RGS6: variants seen among roughly 807,000 people sequenced by gnomAD.
RGS6 encodes the protein regulator of G-protein signaling 6.
RGS6 carries 30 observed loss-of-function variants against 78.5 expected under a neutral mutation model. The ratio of observed to expected loss-of-function variants is 0.38; its 90% CI spans 0.29 to 0.52. The LOEUF is 0.52. Among genes scored for constraint, RGS6 ranks in the 20% least tolerant of loss-of-function variants. The pLI, the probability that RGS6 is intolerant of heterozygous loss-of-function variation, is 0.85. For synonymous variants in RGS6, 206 were observed against 206.0 expected, an observed-to-expected ratio of 1.00 and a Z score of 0.00; for missense variants, 495 against 609.7, an observed-to-expected ratio of 0.81 and a Z score of 1.98.
the RGS6 span, among the ~76,000 whole-genome samples, chr14:72,586,613 A>C: frequency 6.6e-6 from 1 of 152,164 alleles, no homozygotes; most frequent in African/African-American, 2.4e-5. Context: ...CTTTGGTCAG[A>C]AAGGCCTCTT....
At chr14:72,483,916 C>A (rs1348259706) in intron 12 of RGS6, among the ~76,000 whole-genome samples, 1 of 151,676 alleles carries the variant, frequency 6.6e-6, no homozygotes, top group Non-Finnish European at 1.5e-5. Flanking sequence ...GGGTGACTTG[C>A]AATTAAGGAG....
At chr14:72,424,347 A>T (rs1460908333) in intron 3 of RGS6, among the ~76,000 whole-genome samples, 1 of 152,224 alleles carries the variant, frequency 6.6e-6, no homozygotes, top group Non-Finnish European at 1.5e-5. Context: ...GCAGGATTCA[A>T]AGAAGTAAAG....
At chr14:71,868,127 T>A in the RGS6 span, among the ~76,000 whole-genome samples, 2 of 152,114 alleles carry the variant, frequency 1.3e-5, no homozygotes, top group Non-Finnish European at 2.9e-5. Flanking sequence ...CACCCCAACA[T>A]CAGCAGGAAT....
chr14:72,333,316 G>C (rs2075412397), intron 2 of RGS6, among the ~76,000 whole-genome samples: 1 of 152,196 alleles, frequency 6.6e-6, no homozygotes, highest in Non-Finnish European at 1.5e-5. Context: ...ACTCTGAACA[G>C]GCAGTTGGGA....
At chr14:72,273,470 C>T (rs1595122332) in intron 2 of RGS6, among the ~76,000 whole-genome samples, 1 of 152,132 alleles carries the variant, frequency 6.6e-6, no homozygotes, top group Non-Finnish European at 1.5e-5. Context: ...TAAGTGTGGA[C>T]AGCAGGGGCA....
At chr14:71,974,990 T>G (rs78657384) in intron 2 of RGS6, among the ~76,000 whole-genome samples, 8,933 of 151,802 alleles carry the variant, frequency 0.059, 839 homozygotes, top group African/African-American at 0.2. Flanking sequence ...AAGAAAGAAA[T>G]AAAATAAAAA....
At chr14:72,298,453 TTTC>T (rs1263844022) in intron 2 of RGS6, among the ~76,000 whole-genome samples, 171 of 69,506 alleles carry the variant, frequency 2.5e-3, no homozygotes, top group African/African-American at 0.02. Context: ...TTTTTTTTTT[TTTC>T]CCCCCCTCTG....
At chr14:72,483,975 A>T (rs564449528) in intron 12 of RGS6, among the ~76,000 whole-genome samples, 1 of 151,886 alleles carries the variant, frequency 6.6e-6, no homozygotes, top group Admixed American at 6.6e-5. Flanking sequence ...AGTGAAAAAA[A>T]AAAAGCTAGA....
At chr14:72,444,111 C>T (rs2095294489) in intron 3 of RGS6, among the ~76,000 whole-genome samples, 1 of 152,136 alleles carries the variant, frequency 6.6e-6, no homozygotes, top group South Asian at 2.1e-4. Flanking sequence ...ATCATGTACT[C>T]GGCTGCTGAC....
chr14:72,222,913 A>C (rs2047209689), intron 2 of RGS6, among the ~76,000 whole-genome samples: 1 of 152,176 alleles, frequency 6.6e-6, no homozygotes, highest in South Asian at 2.1e-4. Flanking sequence ...ATAGTTAAAT[A>C]TTTCCTGAGC....
chr14:72,608,575 A>T, the RGS6 span, among the ~76,000 whole-genome samples: 1 of 152,106 alleles, frequency 6.6e-6, no homozygotes, highest in Non-Finnish European at 1.5e-5. Context: ...TCTCTGATTC[A>T]TCAACCTCCC....
chr14:72,344,302 A>G (rs1218363476), intron 2 of RGS6, among the ~76,000 whole-genome samples: 1 of 152,210 alleles, frequency 6.6e-6, no homozygotes, highest in Non-Finnish European at 1.5e-5. Context: ...ATGCTGTGTC[A>G]TCCGTCTGCC....
At position 72,389,245 on chromosome 14, in the gene RGS6, T is replaced by C. The variant is rs566943010; in HGVS notation, c.184+37051T>C. ...CCCGGATGTTCCATCAACTGTGTGG[T>C]CCCATACCAACCCCTCAGGGGTGTC... On this transcript the variant is annotated intron_variant, in intron 3 of 17. Coordinates refer to ENST00000553525, the MANE Select transcript of RGS6 (RefSeq NM_001204424.2). Among the ~76,000 whole-genome samples the C allele has an allele frequency of 2.0e-5, 3 of 152,204 alleles. No individual in the cohort carries two copies. The East Asian group carries it at 5.8e-4, about 29-fold the overall frequency.
chr14:72,319,563 G>A (rs1304472014), intron 2 of RGS6, among the ~76,000 whole-genome samples: 1 of 151,710 alleles, frequency 6.6e-6, no homozygotes, highest in Non-Finnish European at 1.5e-5. Flanking sequence ...CTATGGTCTC[G>A]ATCTCCTGAC....
chr14:72,586,852 T>C, the RGS6 span, among the ~76,000 whole-genome samples: 1 of 152,172 alleles, frequency 6.6e-6, no homozygotes, highest in Admixed American at 6.5e-5. Flanking sequence ...TGGTGCATAA[T>C]AGCTGCTCAG....
intron 2 of RGS6, among the ~76,000 whole-genome samples, chr14:72,172,789 T>C (rs1246779322): frequency 6.6e-6 from 1 of 152,182 alleles, no homozygotes; most frequent in African/African-American, 2.4e-5. Context: ...CCTGAGGACT[T>C]GAATGTCTAG....
chr14:72,158,726 T>C (rs1469818291), intron 2 of RGS6, among the ~76,000 whole-genome samples: 2 of 152,212 alleles, frequency 1.3e-5, no homozygotes, highest in African/African-American at 4.8e-5. Context: ...GCCAGTGAAA[T>C]ACTGGATGAA....
chr14:72,496,819 A>T (rs2096650972), intron 13 of RGS6, among the ~76,000 whole-genome samples: 1 of 152,102 alleles, frequency 6.6e-6, no homozygotes, highest in Non-Finnish European at 1.5e-5. Context: ...CCTTTTGTAT[A>T]ATTGGGTTCA....
intron 12 of RGS6, among the ~76,000 whole-genome samples, chr14:72,486,857 G>T (rs1210812482): frequency 3.3e-5 from 5 of 152,162 alleles, no homozygotes; most frequent in East Asian, 1.9e-4. Flanking sequence ...TTCATTTCTT[G>T]TGCTGTTTCT....
Sources: gnomAD v4.1 joint callset for allele counts (sites outside exome capture counted in the v4.1 genomes callset) on GRCh38, gnomAD v4.1.1 for gene constraint, MANE v1.5 for transcripts, NCBI Gene and HGNC (gene_info 2026-07-23, HGNC 2026-07-21) for gene names.